Variants in POGLUT3 observed in about 807,000 individuals in gnomAD.
The protein encoded by POGLUT3 is KDEL (Lys-Asp-Glu-Leu) containing 2.
Under a neutral mutation model 54.3 loss-of-function variants are expected in POGLUT3, and 48 were observed. The ratio of observed to expected loss-of-function variants is 0.88; its 90% confidence interval spans 0.70 to 1.12. The LOEUF (loss-of-function observed/expected upper bound fraction) is 1.12, where lower values mean the gene tolerates loss of function less well. Among genes scored for constraint, POGLUT3 ranks in the 50% most tolerant of loss-of-function variants. The pLI, the probability that POGLUT3 is intolerant of heterozygous loss-of-function variation, is 0.00. For synonymous variants in POGLUT3, 218 were observed against 237.4 expected (o/e 0.92, Z 0.75); for missense variants, 629 against 618.7 (o/e 1.02, Z -0.18).
At chr11:108,479,057 T>A (rs944494534) in intron 6 of POGLUT3, among the ~76,000 whole-genome samples, 1 of 152,260 alleles carries the variant, frequency 6.6e-6, no homozygotes, top group Admixed American at 6.5e-5. Flanking sequence ...ACATAGCATT[T>A]AGAAAATCTG....
chr11:108,481,329 C>T lies in POGLUT3; in HGVS notation c.949G>A (p.Asp317Asn). ...KTERAFFRGR[D>N]SREERLQLVQ... ...AACTGGAGCCTCTCCTCTCGGCTGT[C>T]TCTACCTCTGAAGAAAGCTCTCTCT... The change falls in exon 5 of 8, where the codon GAC becomes AAC. Residue 317 changes from aspartate to asparagine, a missense_variant. By Grantham distance (23) the Asp-to-Asn change is conservative (BLOSUM62 1). Transcript: ENST00000323468. The T allele has an allele frequency of 6.2e-7, 1 of 1,604,992 alleles. No homozygotes were observed. The highest frequency in any genetic ancestry group is 1.3e-5 in the African/African-American group (1 of 74,338).
rs764557159 is a variant in POGLUT3, at chr11:108,477,726, A to G, written c.1294-15T>C. The G allele has an allele frequency of 1.3e-6, 2 of 1,539,260 alleles. No homozygotes were observed. The highest frequency in any genetic ancestry group is 1.8e-6 in the Non-Finnish European group (2 of 1,112,142). Reference sequence around the variant, plus strand: ...TCATCATTTTCCTGAAAGGTTAAAAAAAATAAAAATGAATGAAAATTACTA... The same window carrying G: ...TCATCATTTTCCTGAAAGGTTAAAAGAAATAAAAATGAATGAAAATTACTA... On this transcript the variant is annotated splice_polypyrimidine_tract_variant and intron_variant, in intron 6 of 7. Coordinates refer to ENST00000323468, the MANE Select transcript of POGLUT3 (RefSeq NM_153705.5).
rs545940708 is a variant in POGLUT3 at position 108,488,867 on chromosome 11, G to A, written c.400+2103C>T. 3.9e-5 allele frequency among the ~76,000 whole-genome samples: 6 copies of A among 152,238 alleles called. No homozygotes were observed. The South Asian group carries it at 8.3e-4, about 21-fold the overall frequency. ...ATGACCAGAGAGAACAGTACTTATC[G>A]GTGGGTACCAGCCAGATTGGAAAGC... is the stretch of plus-strand genomic sequence containing the variant. On this transcript the variant is annotated intron_variant, in intron 2 of 7. Coordinates refer to ENST00000323468, the MANE Select transcript of POGLUT3 (RefSeq NM_153705.5).
chr11:108,487,924 C>G (rs1361542290), intron 2 of POGLUT3, among the ~76,000 whole-genome samples: 2 of 150,018 alleles, frequency 1.3e-5, no homozygotes, highest in Non-Finnish European at 3.0e-5. Context: ...AAGTTTGACT[C>G]TTTTCATTGA....
At chr11:108,494,101 C>T (rs2093618056) in intron 1 of POGLUT3, among the ~76,000 whole-genome samples, 2 of 152,120 alleles carry the variant, frequency 1.3e-5, no homozygotes, top group Admixed American at 1.3e-4. Flanking sequence ...ATCTGTCACT[C>T]CCATTTTATA....
intron 5 of POGLUT3, 37 bp from the exon 6 acceptor site, chr11:108,479,532 T>C (rs1448457125): frequency 6.7e-7 from 1 of 1,497,508 alleles, no homozygotes; most frequent in Admixed American, 2.2e-5. Context: ...AAACTTTCAG[T>C]AGTCATTTGC....
At chr11:108,475,036 C>T (rs779058372) in intron 7 of POGLUT3, 84 bp from the exon 8 acceptor site, 59 of 1,425,568 alleles carry the variant, frequency 4.1e-5, no homozygotes, top group African/African-American at 1.7e-4. Context: ...TCCGCAGTCA[C>T]GCCATCTTTT....
chr11:108,475,463 GTTTTTGTTT>G (rs1485699517), intron 7 of POGLUT3, among the ~76,000 whole-genome samples: 15 of 109,986 alleles, frequency 1.4e-4, no homozygotes, highest in African/African-American at 5.0e-4. Context: ...AGTTTTTTTT[GTTTTTGTTT>G]TTTTTTTTTT....
intron 5 of POGLUT3, among the ~76,000 whole-genome samples, chr11:108,479,761 G>A (rs1012522383): frequency 6.6e-6 from 1 of 152,154 alleles, no homozygotes; most frequent in African/African-American, 2.4e-5. Flanking sequence ...TTTCAATCAT[G>A]TCTCTGTAAT....
intron 2 of POGLUT3, chr11:108,487,021 C>T (rs908250046): frequency 5.9e-5 from 9 of 152,402 alleles, no homozygotes; most frequent in African/African-American, 2.2e-4. Context: ...TTGCAATCTC[C>T]TCTGTCGCCT....
chr11:108,481,126 C>T lies in POGLUT3; in HGVS notation c.1098+54G>A, dbSNP rs2093591418. 7 of 1,433,854 alleles carry T rather than the reference C, an allele frequency of 4.9e-6. No individual in the cohort carries two copies. In the Admixed American group the frequency reaches 1.6e-4, roughly 34 times the overall value. 88.8% of individuals were successfully genotyped at this position (1,433,854 alleles called of 1,614,324 possible). A position where few individuals can be genotyped will look rare whatever the true frequency, so the allele number is the denominator to read the frequency against. ...GCTGAAGCCCACCTATTTTGGTAGACTTTTAATACAATTTTATCGCTTCAT... is the reference window on the plus strand; with the variant it reads ...GCTGAAGCCCACCTATTTTGGTAGATTTTTAATACAATTTTATCGCTTCAT... On this transcript the variant is annotated intron_variant, in intron 5 of 7. Transcript: ENST00000323468.
rs2093584170 is a variant in POGLUT3, at chr11:108,477,485, T to C, written c.1398+122A>G. 18 of 650,792 alleles carry C rather than the reference T, an allele frequency of 2.8e-5. 1 individual carries two copies. The South Asian group carries it at 3.6e-4, about 13-fold the overall frequency. 40.3% of individuals were successfully genotyped at this position (650,792 alleles called of 1,614,324 possible). On this transcript the variant is annotated intron_variant, in intron 7 of 7. Coordinates refer to ENST00000323468, the MANE Select transcript of POGLUT3 (RefSeq NM_153705.5). ...TCTTTCCCTAGGCAAGTGCCTTGGC[T>C]TAGCCAGTGGTCCATAGGCTTGACT...
At position 108,477,801 on chromosome 11, in the gene POGLUT3, T is replaced by C. The variant is rs55794404; in HGVS notation, c.1294-90A>G. On this transcript the variant is annotated intron_variant, in intron 6 of 7. Transcript: ENST00000323468. ...AGTGTGAGGTGGGACAGATGTGGGG[T>C]TGAAAGTGAACAGCATGGGAAAGCC... 3.6e-6 allele frequency: 3 copies of C among 829,468 alleles called. No homozygotes were observed. The Middle Eastern group carries it at 7.3e-4, about 201-fold the overall frequency. 51.4% of individuals were successfully genotyped at this position (829,468 alleles called of 1,614,324 possible).
chr11:108,486,502 C>T (rs2093603759), intron 2 of POGLUT3, 62 bp from the exon 3 acceptor site: 1 of 1,498,064 alleles, frequency 6.7e-7, no homozygotes, highest in African/African-American at 1.4e-5. Context: ...CACAGGGAGT[C>T]ACTTCTGTCT....
At chr11:108,485,202 G>A (rs1038011130) in intron 3 of POGLUT3, among the ~76,000 whole-genome samples, 4 of 152,018 alleles carry the variant, frequency 2.6e-5, no homozygotes, top group African/African-American at 7.2e-5. Context: ...TCCCATGCAC[G>A]CTATCTTCTA....
chr11:108,482,191 T>G lies in POGLUT3; in HGVS notation c.716A>C (p.Asn239Thr), dbSNP rs368360351. 36 of 1,613,776 alleles carry G rather than the reference T, an allele frequency of 2.2e-5. No individual in the cohort carries two copies. The highest frequency in any genetic ancestry group is 8.0e-5 in the African/African-American group (6 of 74,886). The stretch of plus-strand genomic sequence containing the variant: ...ATGCTCCAAGGGCCAATCTCCAAGA[T>G]TAACATAAAATTCTAAATCTGGGAG... Reference protein sequence around the residue: ...VLLPDLEFYVNLGDWPLEHRK... With the variant: ...VLLPDLEFYVTLGDWPLEHRK... Residue 239 changes from asparagine to threonine, a missense_variant, in exon 4 of 8, where the codon AAT (asparagine) becomes ACT (threonine). Physicochemically the swap from Asn to Thr is moderately conservative, Grantham distance 65. Coordinates refer to ENST00000323468, the MANE Select transcript of POGLUT3 (RefSeq NM_153705.5).
At chr11:108,482,668 C>T (rs1357172025) in intron 3 of POGLUT3, among the ~76,000 whole-genome samples, 3 of 152,112 alleles carry the variant, frequency 2.0e-5, no homozygotes, top group Non-Finnish European at 2.9e-5. Context: ...ATCGCTTGAA[C>T]CTGGGAGGCA....
intron 3 of POGLUT3, 95 bp from the exon 4 acceptor site, chr11:108,482,317 A>G (rs2093594458): frequency 2.5e-6 from 2 of 798,216 alleles, no homozygotes; most frequent in Non-Finnish European, 4.0e-6. Flanking sequence ...TATTTTTGAC[A>G]GGGCTAACCA....
intron 6 of POGLUT3, among the ~76,000 whole-genome samples, chr11:108,478,784 G>T (rs993559225): frequency 3.9e-5 from 6 of 152,162 alleles, no homozygotes; most frequent in Admixed American, 3.3e-4. Context: ...TCTCATAATG[G>T]AAGGGTACAT....
Sources: allele counts gnomAD v4.1 joint callset (sites outside exome capture counted in the v4.1 genomes callset), GRCh38; gene constraint gnomAD v4.1.1; transcripts MANE v1.5; gene names NCBI Gene and HGNC (gene_info 2026-07-23, HGNC 2026-07-21).